The following BMAL2 variants were observed in gnomAD, a reference collection of about 807,000 sequenced individuals.
BMAL2 encodes the protein basic helix-loop-helix ARNT-like protein 2.
the BMAL2 span, among the ~76,000 whole-genome samples, chr12:27,365,930 CTTA>C: frequency 2.0e-5 from 3 of 151,430 alleles, no homozygotes; most frequent in Admixed American, 6.6e-5. Context: ...AAATTATTTA[CTTA>C]TTATATTTCA....
the BMAL2 span, among the ~76,000 whole-genome samples, chr12:27,355,868 C>G: frequency 6.6e-6 from 1 of 152,216 alleles, no homozygotes; most frequent in African/African-American, 2.4e-5. Flanking sequence ...GGAACTTCCA[C>G]CTGGGTTCCT....
chr12:27,361,657 T>C, the BMAL2 span, among the ~76,000 whole-genome samples: 2 of 152,178 alleles, frequency 1.3e-5, no homozygotes, highest in Non-Finnish European at 2.9e-5. Context: ...AAGTTAAAAA[T>C]GAAATTTTTA....
the BMAL2 span, chr12:27,368,544 C>G: frequency 8.9e-7 from 1 of 1,122,350 alleles, no homozygotes; most frequent in African/African-American, 1.6e-5. Flanking sequence ...CTTATCCACC[C>G]ATCTGCTACC....
At chr12:27,374,078 A>G in the BMAL2 span, among the ~76,000 whole-genome samples, 3 of 152,236 alleles carry the variant, frequency 2.0e-5, no homozygotes, top group South Asian at 4.1e-4. Context: ...TAAGTACAGT[A>G]CATTTGAATT....
the BMAL2 span, chr12:27,420,709 C>T: frequency 1.6e-5 from 11 of 681,384 alleles, no homozygotes; most frequent in Non-Finnish European, 2.2e-5. Flanking sequence ...ACGTTTTCCT[C>T]CCAAGAGAAC....
the BMAL2 span, among the ~76,000 whole-genome samples, chr12:27,367,830 G>A: frequency 2.7e-5 from 4 of 149,380 alleles, no homozygotes; most frequent in African/African-American, 9.8e-5. Context: ...GTGTGTGTGT[G>A]TATATATATA....
the BMAL2 span, among the ~76,000 whole-genome samples, chr12:27,420,019 G>GCGCGCGCGCACACACA: frequency 9.7e-3 from 1,436 of 147,558 alleles, 21 homozygotes; most frequent in Middle Eastern, 0.056. Flanking sequence ...GTTTGCGCGT[G>GCGCGCGCGCACACACA]CACACACACA....
At chr12:27,384,538 C>T in the BMAL2 span, among the ~76,000 whole-genome samples, 2 of 152,118 alleles carry the variant, frequency 1.3e-5, no homozygotes, top group Non-Finnish European at 2.9e-5. Flanking sequence ...TTAGCTAAGA[C>T]ATTATCTAAA....
At chr12:27,386,728 C>A in the BMAL2 span, among the ~76,000 whole-genome samples, 1 of 152,128 alleles carries the variant, frequency 6.6e-6, no homozygotes, top group African/African-American at 2.4e-5. Context: ...CTCCCGGGCT[C>A]AAGCCATCCT....
the BMAL2 span, chr12:27,402,641 G>A: frequency 3.7e-6 from 6 of 1,612,654 alleles, no homozygotes; most frequent in African/African-American, 8.0e-5. Flanking sequence ...GCCTGGAGAA[G>A]CATCATTTTT....
At chr12:27,395,725 T>C in the BMAL2 span, among the ~76,000 whole-genome samples, 1 of 152,368 alleles carries the variant, frequency 6.6e-6, no homozygotes, top group Admixed American at 6.5e-5. Context: ...TGGGAAAATA[T>C]AGATATTTCA....
chr12:27,398,347 A>G, the BMAL2 span, among the ~76,000 whole-genome samples: 10 of 152,194 alleles, frequency 6.6e-5, no homozygotes, highest in Admixed American at 6.5e-4. Context: ...TTGGGAACTC[A>G]TGGAGTAGAT....
At chr12:27,405,557 C>T in the BMAL2 span, among the ~76,000 whole-genome samples, 1 of 152,206 alleles carries the variant, frequency 6.6e-6, no homozygotes, top group African/African-American at 2.4e-5. Flanking sequence ...AGAGGGAAAA[C>T]TAACAAACAG....
At chr12:27,355,976 A>G in the BMAL2 span, among the ~76,000 whole-genome samples, 1 of 152,162 alleles carries the variant, frequency 6.6e-6, no homozygotes, top group Non-Finnish European at 1.5e-5. Flanking sequence ...TTTGAGGCCA[A>G]GGCCAGAAGA....
At chr12:27,408,994 AT>A in the BMAL2 span, among the ~76,000 whole-genome samples, 1 of 152,232 alleles carries the variant, frequency 6.6e-6, no homozygotes, top group South Asian at 2.1e-4. Flanking sequence ...CCCATTTACA[AT>A]TGCTTCAAAG....
At chr12:27,378,959 G>A in the BMAL2 span, among the ~76,000 whole-genome samples, 6 of 152,060 alleles carry the variant, frequency 3.9e-5, no homozygotes, top group African/African-American at 7.2e-5. Flanking sequence ...TGGTTTCCCT[G>A]GGTCACGTTG....
the BMAL2 span, among the ~76,000 whole-genome samples, chr12:27,395,822 C>G: frequency 6.6e-6 from 1 of 152,182 alleles, no homozygotes. Context: ...TTGAGTTGCT[C>G]TAATGTTCCA....
the BMAL2 span, among the ~76,000 whole-genome samples, chr12:27,363,336 C>T: frequency 1.1e-3 from 163 of 152,198 alleles, 1 homozygote; most frequent in African/African-American, 3.8e-3. Context: ...TTCCATATAC[C>T]TAGGAGGGGA....
At chr12:27,378,637 T>C in the BMAL2 span, among the ~76,000 whole-genome samples, 1 of 152,134 alleles carries the variant, frequency 6.6e-6, no homozygotes, top group African/African-American at 2.4e-5. Flanking sequence ...TGGCCTATAA[T>C]TAGGGAATCT....
Sources: allele counts gnomAD v4.1 joint callset (sites outside exome capture counted in the v4.1 genomes callset), GRCh38; gene constraint gnomAD v4.1.1; transcripts MANE v1.5; gene names NCBI Gene and HGNC (gene_info 2026-07-23, HGNC 2026-07-21).